The following ZNF416 variants were observed in gnomAD, a reference collection of about 807,000 sequenced individuals.
ZNF416 encodes the protein zinc finger protein 416.
ZNF416 carries 5 observed loss-of-function variants against 10.9 expected under a neutral mutation model. That is an observed-to-expected ratio of 0.46 (90% confidence interval 0.24 to 0.97). The LOEUF (loss-of-function observed/expected upper bound fraction) is 0.97. Ranked by LOEUF, ZNF416 falls within the 50% of genes least tolerant of loss-of-function variation. The pLI is 0.19. For missense variants in ZNF416, 675 were observed against 715.0 expected, an observed-to-expected ratio of 0.94 and a Z score of 0.64; for synonymous variants, 267 against 251.8, an observed-to-expected ratio of 1.06 and a Z score of -0.57.
At chr19:57,577,535 C>T (rs1978587717) in intron 2 of ZNF416, among the ~76,000 whole-genome samples, 1 of 152,184 alleles carries the variant, frequency 6.6e-6, no homozygotes, top group Non-Finnish European at 1.5e-5. Context: ...ACCAGTAACA[C>T]TCACCTGGAC....
chr19:57,577,994 C>T (rs746203496), intron 2 of ZNF416, 63 bp downstream of exon 2: 7 of 1,579,768 alleles, frequency 4.4e-6, no homozygotes, highest in Non-Finnish European at 6.1e-6. Context: ...AGTCCCAGAA[C>T]ACAATCTCAG....
Position 57,578,156 on chromosome 19 carries a change from G to C in ZNF416, c.34-58C>G, listed in dbSNP as rs374836319. The C allele has an allele frequency of 1.1e-5, 18 of 1,566,764 alleles. 1 individual carries two copies. The highest frequency in any genetic ancestry group is 1.7e-4 in the Middle Eastern group (1 of 5,930). Reference sequence around the variant, plus strand: ...AACTATGGTGGAAGCTCCATGGGCTGATGCCTCCTTGTTTCCCTGCGCAGC... The same window carrying C: ...AACTATGGTGGAAGCTCCATGGGCTCATGCCTCCTTGTTTCCCTGCGCAGC... On this transcript the variant is annotated intron_variant, in intron 1 of 3. Coordinates refer to ENST00000196489, the MANE Select transcript of ZNF416 (RefSeq NM_017879.3).
intron 1 of ZNF416, chr19:57,578,308 G>A: frequency 4.9e-6 from 3 of 613,578 alleles, no homozygotes; most frequent in Admixed American, 2.9e-5. Context: ...CCCCCTTCCA[G>A]GCTGTTCCAA....
At chr19:57,577,159 TC>T (rs765841580) in intron 2 of ZNF416, among the ~76,000 whole-genome samples, 1 of 152,190 alleles carries the variant, frequency 6.6e-6, no homozygotes, top group Non-Finnish European at 1.5e-5. Context: ...CTATCCTGAA[TC>T]CCTCAACACA....
chr19:57,574,827 C>T (rs1050362212), intron 3 of ZNF416, among the ~76,000 whole-genome samples: 13 of 152,234 alleles, frequency 8.5e-5, no homozygotes, highest in East Asian at 5.8e-4. Flanking sequence ...TGGCATTATT[C>T]GGGCCCAAGA....
At chr19:57,574,047 TA>T (rs916326846) in intron 3 of ZNF416, among the ~76,000 whole-genome samples, 11 of 151,814 alleles carry the variant, frequency 7.2e-5, no homozygotes, top group African/African-American at 2.7e-4. Context: ...CAAAACAAAA[TA>T]AAAAACATTG....
In ZNF416 at chr19:57,572,979, G is replaced by A; in HGVS notation, c.925C>T (p.Gln309Ter). 1.2e-6 allele frequency: 2 copies of A among 1,613,862 alleles called. No individual in the cohort carries two copies. Among genetic ancestry groups the A allele is most frequent in the Non-Finnish European group, 8.5e-7 (1 of 1,179,950 alleles). The change falls in exon 4 of 4, where the codon CAA (glutamine) becomes TAA (stop). Residue 309 changes from glutamine to a stop codon, truncating the protein, a stop_gained. Coordinates refer to ENST00000196489, the MANE Select transcript of ZNF416 (RefSeq NM_017879.3). LOFTEE classifies it low-confidence loss of function (END_TRUNC). The surrounding 1 kb of genome is among the most constrained non-coding windows in gnomAD (Gnocchi z 4.5). ...VCGQCGKSFSQRATLIKHHRV... is the reference protein window; with the variant it reads ...VCGQCGKSFS The stretch of plus-strand genomic sequence containing the variant: ...TGATGTTTAATGAGGGTGGCTCTTT[G>A]GCTAAATGATTTCCCACACTGACCA...
At chr19:57,577,255 T>C (rs761780669) in intron 2 of ZNF416, among the ~76,000 whole-genome samples, 6 of 147,664 alleles carry the variant, frequency 4.1e-5, no homozygotes, top group Non-Finnish European at 9.0e-5. Flanking sequence ...AGATGTCCCA[T>C]TGGGCCATGT....
Position 57,575,677 on chromosome 19 carries a change from C to T in ZNF416, c.202+127G>A. The T allele has an allele frequency of 7.6e-7, 1 of 1,308,034 alleles. No homozygotes were observed. The highest frequency in any genetic ancestry group is 1.1e-6 in the Non-Finnish European group (1 of 910,980). The allele number at this position is 1,308,034 out of a possible 1,614,324, so 81.0% of individuals were successfully genotyped here. The stretch of plus-strand genomic sequence containing the variant: ...ATTAAGGAGTGCAATGATTTCATTC[C>T]TTACACCACAGCACATACGCCAAGA... On this transcript the variant is annotated intron_variant, in intron 3 of 3. Coordinates refer to ENST00000196489, the MANE Select transcript of ZNF416 (RefSeq NM_017879.3). This position sits in a 1 kb window ranked among gnomAD's most constrained non-coding sequence, Gnocchi z 4.4.
In ZNF416 at chr19:57,578,621, T is replaced by C. The variant is rs913759181; in HGVS notation, c.33+51A>G. 9.3e-6 allele frequency: 14 copies of C among 1,506,380 alleles called. No homozygotes were observed. In the African/African-American group the frequency reaches 1.0e-4, roughly 11 times the overall value. 93.3% of individuals were successfully genotyped at this position (1,506,380 alleles called of 1,614,324 possible). ...AAGCAGGCGCCCCTCATGCAGGGTG[T>C]TGGATTTCCGGCGGAGAGGGCAGGT... On this transcript the variant is annotated intron_variant, in intron 1 of 3. Coordinates refer to ENST00000196489, the MANE Select transcript of ZNF416 (RefSeq NM_017879.3).
Position 57,573,220 on chromosome 19 carries a change from GTGTT to G in ZNF416, c.680_683del (p.Lys227ThrfsTer58). The G allele has an allele frequency of 6.2e-7, 1 of 1,614,252 alleles. No homozygotes were observed. The highest frequency in any genetic ancestry group is 8.5e-7 in the Non-Finnish European group (1 of 1,180,038). ...TGCAGACTCTAGGGTGAAAAAAAGTGTGTTTGTGGCTGGACTCTCTCCTGCATTG... is the reference window on the plus strand; with the variant it reads ...TGCAGACTCTAGGGTGAAAAAAAGTGTGTGGCTGGACTCTCTCCTGCATTG... On this transcript the variant is annotated frameshift_variant, in exon 4 of 4. Transcript: ENST00000196489. LOFTEE classifies it low-confidence loss of function (END_TRUNC).
rs990202763 is a variant in ZNF416 at position 57,573,377 on chromosome 19, A to C, written c.527T>G (p.Val176Gly). ...CAATGGGGCTAGGAAGTCCTTCCCA[A>C]CCTCACTGCTGGTGAAAGGCATTCC... ...ESGMPFTSSE[V>G]GKDFLAPLGI... The change falls in exon 4 of 4, where the codon GTT (valine) becomes GGT (glycine). Residue 176 changes from valine (V) to glycine (G), a missense_variant. Coordinates refer to ENST00000196489, the MANE Select transcript of ZNF416 (RefSeq NM_017879.3). The C allele has an allele frequency of 1.2e-6, 2 of 1,614,086 alleles. No individual in the cohort carries two copies. Among genetic ancestry groups the C allele is most frequent in the African/African-American group, 2.7e-5 (2 of 74,922 alleles).
At position 57,575,662 on chromosome 19, in the gene ZNF416, G is replaced by C; in HGVS notation, c.202+142C>G. 8.7e-7 allele frequency: 1 copy of C among 1,143,036 alleles called. No individual in the cohort carries two copies. Among genetic ancestry groups the C allele is most frequent in the Non-Finnish European group, 1.3e-6 (1 of 771,680 alleles). 70.8% of individuals were successfully genotyped at this position (1,143,036 alleles called of 1,614,324 possible). ...CAAATGTCAGGGCTGATTAAGGAGT[G>C]CAATGATTTCATTCCTTACACCACA... On this transcript the variant is annotated intron_variant, in intron 3 of 3. Transcript: ENST00000196489. This position sits in a 1 kb window ranked among gnomAD's most constrained non-coding sequence, Gnocchi z 4.4.
At chr19:57,578,018 G>A (rs1978604986) in intron 2 of ZNF416, 39 bp downstream of exon 2, 2 of 1,609,876 alleles carry the variant, frequency 1.2e-6, no homozygotes. Flanking sequence ...CAAACACTGG[G>A]GTCAGCATCA....
Position 57,572,191 on chromosome 19 carries a change from A to G in ZNF416, c.1713T>C (p.Ser571=). The change falls in exon 4 of 4, where the codon TCT becomes TCC. Residue 571 remains serine (S), a synonymous_variant. Coordinates refer to ENST00000196489, the MANE Select transcript of ZNF416 (RefSeq NM_017879.3). This position sits in a 1 kb window ranked among gnomAD's most constrained non-coding sequence, Gnocchi z 4.5. ...QHSGLILHRK[S]HTVERPRDSS... ...TGTCACGAGGCCTCTCCACAGTGTG[A>G]GATTTTCGGTGGAGAATGAGGCCAG... The G allele has an allele frequency of 6.2e-7, 1 of 1,614,152 alleles. No homozygotes were observed. Among genetic ancestry groups the G allele is most frequent in the South Asian group, 1.1e-5 (1 of 91,078 alleles).
Position 57,578,897 on chromosome 19 carries a change from G to C in ZNF416, c.-193C>G, listed in dbSNP as rs560056465. On this transcript the variant is annotated 5_prime_UTR_variant, in exon 1 of 4. Transcript: ENST00000196489. Reference sequence around the variant, plus strand: ...ACCACCAAAATTACCATCTCGGAGCGGTGCCGGAAGTCCCGCCTTACCGTA... The same window carrying C: ...ACCACCAAAATTACCATCTCGGAGCCGTGCCGGAAGTCCCGCCTTACCGTA... 6 of 475,522 alleles carry C rather than the reference G, an allele frequency of 1.3e-5. No individual in the cohort carries two copies. Among genetic ancestry groups the C allele is most frequent in the African/African-American group, 6.1e-5 (3 of 49,188 alleles). The allele number at this position is 475,522 out of a possible 1,614,324, so 29.5% of individuals were successfully genotyped here.
At position 57,575,984 on chromosome 19, in the gene ZNF416, A is replaced by G. The variant is rs1978522213; in HGVS notation, c.76-54T>C. 1 of 1,585,912 alleles carries G rather than the reference A, an allele frequency of 6.3e-7. No homozygotes were observed. The highest frequency in any genetic ancestry group is 1.7e-4 in the Middle Eastern group (1 of 5,910). On this transcript the variant is annotated intron_variant, in intron 2 of 3. Coordinates refer to ENST00000196489, the MANE Select transcript of ZNF416 (RefSeq NM_017879.3). The surrounding 1 kb of genome is among the most constrained non-coding windows in gnomAD (Gnocchi z 4.4). ...GATCAGATTCTCTCCTAGGACCCCA[A>G]GTTCATGCCCCCCACACATCCTTTC...
rs1259221561 is a variant in ZNF416, at chr19:57,573,663, G to T, written c.241C>A (p.Gln81Lys). The T allele has an allele frequency of 6.2e-7, 1 of 1,613,904 alleles. No homozygotes were observed. The highest frequency in any genetic ancestry group is 1.7e-5 in the Admixed American group (1 of 60,018). Residue 81 changes from glutamine to lysine, a missense_variant, in exon 4 of 4, where the codon CAA becomes AAA. Physicochemically the swap from Gln to Lys is moderately conservative, Grantham distance 53. Transcript: ENST00000196489. ...GGTACTCCTTCTACAGAAACACTTT[G>T]CTCAGGTGTCTCTTCATCCTCCATC... ...HGMEDEETPE[Q>K]SVSVEGVPQV...
At position 57,578,062 on chromosome 19, in the gene ZNF416, T is replaced by C; in HGVS notation, c.70A>G (p.Thr24Ala). 6.2e-7 allele frequency: 1 copy of C among 1,614,108 alleles called. No homozygotes were observed. Among genetic ancestry groups the C allele is most frequent in the Non-Finnish European group, 8.5e-7 (1 of 1,180,018 alleles). ...VTAEAKLMGFTQGCVTFEDVA... is the reference protein window; with the variant it reads ...VTAEAKLMGFAQGCVTFEDVA... ...CCGAAACACTCTCCACTCACCTGTG[T>C]AAAGCCCATAAGTTTAGCTTCTGCA... Residue 24 changes from threonine (T) to alanine (A), a missense_variant, in exon 2 of 4, where the codon ACA becomes GCA. Thr to Ala is a moderately conservative substitution (Grantham distance 58). Coordinates refer to ENST00000196489, the MANE Select transcript of ZNF416 (RefSeq NM_017879.3).
Sources: allele counts gnomAD v4.1 joint callset (sites outside exome capture counted in the v4.1 genomes callset), GRCh38; gene constraint gnomAD v4.1.1; non-coding constraint Gnocchi (gnomAD v3.1); transcripts MANE v1.5; gene names NCBI Gene and HGNC (gene_info 2026-07-23, HGNC 2026-07-21).